SPATA7: variants seen among roughly 807,000 people sequenced by gnomAD.
The protein encoded by SPATA7 is spermatogenesis associated 7.
In SPATA7, 43 loss-of-function variants were observed where a neutral mutation model predicts 51.8. The observed-to-expected ratio is 0.83, with a 90% confidence interval of 0.65 to 1.07. The LOEUF is 1.07. Among genes scored for constraint, SPATA7 ranks in the 50% least tolerant of loss-of-function variants. SPATA7 has a pLI of 0.00. For missense variants in SPATA7, 683 were observed against 701.3 expected (o/e 0.97, Z 0.30); for synonymous variants, 230 against 252.8 (o/e 0.91, Z 0.86).
chr14:88,465,461 C>T (rs10129917), intron 4 of SPATA7, among the ~76,000 whole-genome samples: 34,262 of 151,926 alleles, frequency 0.23, 4,087 homozygotes, highest in East Asian at 0.3. Context: ...AGCAAGACTC[C>T]GTCTCAAAAA....
chr14:88,422,529 G>A (rs781722288), intron 5 of SPATA7, among the ~76,000 whole-genome samples: 2 of 149,676 alleles, frequency 1.3e-5, no homozygotes, highest in Non-Finnish European at 3.0e-5. Context: ...GGGGTTTCTT[G>A]AAAATACAAA....
At chr14:88,411,252 A>C (rs1040622611) in intron 4 of SPATA7, among the ~76,000 whole-genome samples, 6 of 152,172 alleles carry the variant, frequency 3.9e-5, no homozygotes, top group African/African-American at 1.4e-4. Flanking sequence ...GGTCAACTTC[A>C]GACTGCTGTG....
At chr14:88,416,216 CA>C (rs1316190579) in intron 4 of SPATA7, 5 of 157,612 alleles carry the variant, frequency 3.2e-5, no homozygotes, top group African/African-American at 1.2e-4. Context: ...CTAGATATAA[CA>C]AATTCCTTTA....
chr14:88,388,817 A>G lies in SPATA7; in HGVS notation c.20-2564A>G, dbSNP rs556480738. Among the ~76,000 whole-genome samples the G allele has an allele frequency of 1.4e-4, 22 of 152,332 alleles. No homozygotes were observed. In the East Asian group the frequency reaches 1.9e-3, roughly 13 times the overall value. ...ACGGGAAAGTACTCAAAGAAGGACAATTTGAAAGAGAGTTTCTCCCAAAGA... is the reference window on the plus strand; with the variant it reads ...ACGGGAAAGTACTCAAAGAAGGACAGTTTGAAAGAGAGTTTCTCCCAAAGA... On this transcript the variant is annotated intron_variant, in intron 1 of 11. Coordinates refer to ENST00000393545, the MANE Select transcript of SPATA7 (RefSeq NM_018418.5).
Position 88,429,468 on chromosome 14 carries a change from A to G in SPATA7, c.1028+5A>G, listed in dbSNP as rs368848333. 120 of 1,559,420 alleles carry G rather than the reference A, an allele frequency of 7.7e-5. No individual in the cohort carries two copies. Among genetic ancestry groups the G allele is most frequent in the Non-Finnish European group, 1.0e-4 (118 of 1,130,774 alleles). On this transcript the variant is annotated splice_donor_5th_base_variant and intron_variant, in intron 8 of 11. Coordinates refer to ENST00000393545, the MANE Select transcript of SPATA7 (RefSeq NM_018418.5). ...TCTTCAGCATTCCTCACCAAGGTAA[A>G]CAGTTCACAGGAGAAATAATTTCAA...
At chr14:88,397,024 C>T (rs1057169693) in intron 4 of SPATA7, among the ~76,000 whole-genome samples, 1 of 152,106 alleles carries the variant, frequency 6.6e-6, no homozygotes, top group African/African-American at 2.4e-5. Context: ...GGTGGGACTA[C>T]AGGCGCAAGC....
chr14:88,444,787 A>T (rs1003143390), intron 3 of SPATA7, among the ~76,000 whole-genome samples: 3,941 of 152,188 alleles, frequency 0.026, 177 homozygotes, highest in African/African-American at 0.09. Context: ...CAAAGATCAG[A>T]TAGTTGTAGA....
chr14:88,402,746 G>C (rs73321863), intron 4 of SPATA7, among the ~76,000 whole-genome samples: 5,371 of 152,050 alleles, frequency 0.035, 313 homozygotes, highest in African/African-American at 0.12. Context: ...TTTAGTCTGG[G>C]CAATAATATT....
At position 88,470,159 on chromosome 14, in the gene SPATA7, TAAA is replaced by T. The variant is rs1486256046; in HGVS notation, c.*296_*298del. The T allele has an allele frequency of 1.8e-5, 18 of 1,010,672 alleles. No individual in the cohort carries two copies. The East Asian group carries it at 3.1e-4, about 17-fold the overall frequency. The allele number at this position is 1,010,672 out of a possible 1,614,324, so 62.6% of individuals were successfully genotyped here. A position where few individuals can be genotyped will look rare whatever the true frequency, so the allele number is the denominator to read the frequency against. On this transcript the variant is annotated 3_prime_UTR_variant, in exon 5 of 5. Transcript: ENST00000556406. ...AAAGTTTTTTTAAAAAAGTAAAAAGTAAAAAAGTAGTAAACTGGATTATTCAGC... is the reference window on the plus strand; with the variant it reads ...AAAGTTTTTTTAAAAAAGTAAAAAGTAAAGTAGTAAACTGGATTATTCAGC...
chr14:88,462,030 T>C lies in SPATA7; in HGVS notation c.255-7817T>C, dbSNP rs1035452536. Among the ~76,000 whole-genome samples the C allele has an allele frequency of 2.0e-5, 3 of 152,314 alleles. No individual in the cohort carries two copies. In the East Asian group the frequency reaches 5.8e-4, roughly 29 times the overall value. On this transcript the variant is annotated intron_variant, in intron 4 of 4. Transcript: ENST00000556406. ...GTCTGAACCAGTGTTGCACTGGTAT[T>C]ATTTCAGTAAAACTACAAAACCTTA...
At chr14:88,465,788 AG>A (rs1208951709) in intron 4 of SPATA7, 5 of 152,220 alleles carry the variant, frequency 3.3e-5, no homozygotes, top group Admixed American at 2.6e-4. Context: ...TAATGTGGAT[AG>A]ATTTTTATTC....
intron 7 of SPATA7, chr14:88,428,230 C>A (rs1213441253): frequency 6.6e-6 from 1 of 151,950 alleles, no homozygotes; most frequent in African/African-American, 2.4e-5. Context: ...TAAAATATTG[C>A]AACTTTGAGT....
intron 4 of SPATA7, among the ~76,000 whole-genome samples, chr14:88,399,051 CAAA>C (rs962205139): frequency 6.3e-5 from 4 of 63,216 alleles, no homozygotes; most frequent in Admixed American, 1.8e-4. Flanking sequence ...GACTCCGTCT[CAAA>C]AAAAAAAAAA....
At chr14:88,466,729 TG>T (rs1425510912) in intron 4 of SPATA7, 5 of 150,410 alleles carry the variant, frequency 3.3e-5, no homozygotes, top group African/African-American at 1.2e-4. Flanking sequence ...CTAAATGGGA[TG>T]GGTGAGGGGG....
intron 4 of SPATA7, among the ~76,000 whole-genome samples, chr14:88,397,978 A>T (rs1179372876): frequency 6.6e-6 from 1 of 151,950 alleles, no homozygotes; most frequent in Non-Finnish European, 1.5e-5. Flanking sequence ...GCTACTCTGG[A>T]GGCTGAGGCA....
chr14:88,386,521 C>T (rs539426694), intron 1 of SPATA7, among the ~76,000 whole-genome samples: 2 of 152,208 alleles, frequency 1.3e-5, no homozygotes, highest in African/African-American at 4.8e-5. Context: ...CAGCGGACTG[C>T]AGTTTTAGCA....
At chr14:88,444,819 C>G (rs201910152) in intron 3 of SPATA7, among the ~76,000 whole-genome samples, 6 of 152,190 alleles carry the variant, frequency 3.9e-5, no homozygotes, top group East Asian at 1.9e-4. Context: ...ATTTCTGAGG[C>G]CTCTGTTCTG....
At chr14:88,419,721 T>A (rs2076586153) in intron 5 of SPATA7, among the ~76,000 whole-genome samples, 1 of 152,080 alleles carries the variant, frequency 6.6e-6, no homozygotes, top group African/African-American at 2.4e-5. Context: ...GAGACGGGGT[T>A]CCACCATGTT....
intron 9 of SPATA7, among the ~76,000 whole-genome samples, chr14:88,431,451 C>A (rs914761152): frequency 7.2e-5 from 11 of 152,100 alleles, no homozygotes; most frequent in Non-Finnish European, 1.2e-4. Flanking sequence ...TTTATCATTT[C>A]TTTGTGTTGG....
Sources: gnomAD v4.1 joint callset for allele counts (sites outside exome capture counted in the v4.1 genomes callset) on GRCh38, gnomAD v4.1.1 for gene constraint, MANE v1.5 for transcripts, NCBI Gene and HGNC (gene_info 2026-07-23, HGNC 2026-07-21) for gene names.